Variants in HOXC5 observed in about 807,000 individuals in gnomAD.
The protein encoded by HOXC5 is homeobox protein Hox-C5.
Under a neutral mutation model 20.1 loss-of-function variants are expected in HOXC5, and 19 were observed. The ratio of observed to expected loss-of-function variants is 0.94; its 90% CI spans 0.66 to 1.38. The LOEUF is 1.38. Ranked by LOEUF, HOXC5 falls within the 40% of genes most tolerant of loss-of-function variation. HOXC5 has a pLI of 0.00. For missense variants in HOXC5, 330 were observed against 300.1 expected (o/e 1.10, Z -0.74); for synonymous variants, 124 against 117.0 (o/e 1.06, Z -0.39).
upstream of HOXC5, chr12:54,029,506 T>TG (rs1940898526): frequency 2.1e-6 from 1 of 487,190 alleles, no homozygotes; most frequent in Middle Eastern, 7.4e-4. Flanking sequence ...CCAGTGGGGG[T>TG]GGGGCAAGGC....
At chr12:54,028,451 G>A (rs926252689), upstream of HOXC5, 5 of 1,518,072 alleles carry the variant, frequency 3.3e-6, no homozygotes, top group East Asian at 9.0e-5. Context: ...TAACCATCTA[G>A]TTCCGAGTAC....
chr12:54,020,307 G>A, the HOXC5 span: 2 of 152,278 alleles, frequency 1.3e-5, no homozygotes, highest in Non-Finnish European at 2.9e-5. Flanking sequence ...CTCCCCCTCT[G>A]AGCCCACTCT....
chr12:54,023,193 C>G, the HOXC5 span, among the ~76,000 whole-genome samples: 45 of 152,254 alleles, frequency 3.0e-4, no homozygotes, highest in Non-Finnish European at 4.4e-4. Flanking sequence ...CACCAGCCCC[C>G]AAAAAGCCAG....
the HOXC5 span, among the ~76,000 whole-genome samples, chr12:54,018,608 G>T: frequency 3.3e-5 from 5 of 152,334 alleles, no homozygotes; most frequent in African/African-American, 9.6e-5. Flanking sequence ...AAATGTACGT[G>T]GCCCTGAATG....
At chr12:54,028,758 G>A (rs1385463830), upstream of HOXC5, 1 of 1,614,066 alleles carries the variant, frequency 6.2e-7, no homozygotes, top group Non-Finnish European at 8.5e-7. Flanking sequence ...CCTTTTACCA[G>A]GAGAAAGACA....
chr12:54,024,243 G>A, the HOXC5 span, among the ~76,000 whole-genome samples: 15 of 152,264 alleles, frequency 9.9e-5, no homozygotes, highest in African/African-American at 3.6e-4. Context: ...ACTTGGGGGT[G>A]GTGGGGGCAG....
At chr12:54,023,054 C>G in the HOXC5 span, among the ~76,000 whole-genome samples, 1 of 152,170 alleles carries the variant, frequency 6.6e-6, no homozygotes, top group African/African-American at 2.4e-5. Flanking sequence ...CTTTGCCCCC[C>G]TCAAGTGTCC....
At chr12:54,031,756 T>G (rs1218474420), upstream of HOXC5, among the ~76,000 whole-genome samples, 1 of 152,098 alleles carries the variant, frequency 6.6e-6, no homozygotes, top group African/African-American at 2.4e-5. Context: ...GGAGATTTCC[T>G]GGGAAGAAGC....
At chr12:54,029,621 T>C (rs1940903615), upstream of HOXC5, 1 of 1,593,944 alleles carries the variant, frequency 6.3e-7, no homozygotes, top group Non-Finnish European at 8.6e-7. Context: ...GCTTTGCTGA[T>C]TGCTTTTAGT....
upstream of HOXC5, chr12:54,028,368 C>G (rs1427495113): frequency 5.4e-6 from 4 of 741,464 alleles, no homozygotes; most frequent in African/African-American, 1.8e-5. Context: ...TTCCTGACAT[C>G]TGGCTTGCGA....
Position 54,034,531 on chromosome 12 carries a change from G to T in HOXC5, c.*39G>T, listed in dbSNP as rs1486767767. 1.3e-6 allele frequency: 2 copies of T among 1,542,364 alleles called. No individual in the cohort carries two copies. The highest frequency in any genetic ancestry group is 3.4e-5 in the Admixed American group (2 of 59,160). Reference sequence around the variant, plus strand: ...GGCCCGCAGAGCGCGCCCCTAGCCGGTTCCTGTCCCTGCGCCTTTCCTTTT... The same window carrying T: ...GGCCCGCAGAGCGCGCCCCTAGCCGTTTCCTGTCCCTGCGCCTTTCCTTTT... On this transcript the variant is annotated 3_prime_UTR_variant, in exon 2 of 2. Transcript: ENST00000312492.
At chr12:54,023,793 G>A in the HOXC5 span, among the ~76,000 whole-genome samples, 6 of 152,080 alleles carry the variant, frequency 3.9e-5, no homozygotes, top group Non-Finnish European at 7.4e-5. Flanking sequence ...TGTGTGTAGC[G>A]GGGGCAGGTA....
At chr12:54,031,053 G>GA (rs975527924), upstream of HOXC5, among the ~76,000 whole-genome samples, 19 of 152,252 alleles carry the variant, frequency 1.2e-4, no homozygotes, top group African/African-American at 2.4e-4. Context: ...CACCCTGCGG[G>GA]AAAAAGCCGC....
Position 54,034,926 on chromosome 12 carries a change from G to A in HOXC5, c.*434G>A, listed in dbSNP as rs902819282. On this transcript the variant is annotated 3_prime_UTR_variant, in exon 2 of 2. Transcript: ENST00000312492. ...CCTCTCCTTTGTTCCCGGCTGGACG[G>A]GTTAGACAGCCAAAGGCTGGCGAGA... is the stretch of plus-strand genomic sequence containing the variant. 3 of 206,678 alleles carry A rather than the reference G, an allele frequency of 1.5e-5. No homozygotes were observed. The highest frequency in any genetic ancestry group is 3.0e-5 in the Non-Finnish European group (3 of 100,558). 12.8% of individuals were successfully genotyped at this position (206,678 alleles called of 1,614,324 possible).
At chr12:54,030,733 T>C (rs1940956270), upstream of HOXC5, 1 of 152,620 alleles carries the variant, frequency 6.6e-6, no homozygotes, top group Non-Finnish European at 1.5e-5. Flanking sequence ...AATAAATAAA[T>C]AAATCCCTTC....
chr12:54,022,279 A>T, the HOXC5 span: 1 of 152,124 alleles, frequency 6.6e-6, no homozygotes, highest in Non-Finnish European at 1.5e-5. Context: ...ATAGCATGTC[A>T]TTCTTCTCCC....
Position 54,034,370 on chromosome 12 carries a change from C to A in HOXC5, c.547C>A (p.Arg183Ser), listed in dbSNP as rs370344965. Reference sequence around the variant, plus strand: ...CCACTTTAACCGCTACCTCACTCGCCGCAGGCGCATAGAGATCGCCAACAA... The same window carrying A: ...CCACTTTAACCGCTACCTCACTCGCAGCAGGCGCATAGAGATCGCCAACAA... ...EFHFNRYLTR[R>S]RRIEIANNLC... Residue 183 changes from arginine to serine, a missense_variant, in exon 2 of 2, where the codon CGC (arginine) becomes AGC (serine). Coordinates refer to ENST00000312492, the MANE Select transcript of HOXC5 (RefSeq NM_018953.4). The A allele has an allele frequency of 1.9e-6, 3 of 1,614,086 alleles. No homozygotes were observed. The highest frequency in any genetic ancestry group is 2.5e-6 in the Non-Finnish European group (3 of 1,180,028).
the HOXC5 span, among the ~76,000 whole-genome samples, chr12:54,023,274 C>T: frequency 6.6e-6 from 1 of 152,082 alleles, no homozygotes; most frequent in African/African-American, 2.4e-5. Flanking sequence ...ATGTTTGGGA[C>T]CTATTTTACG....
At chr12:54,032,252 T>C (rs1267622423), upstream of HOXC5, among the ~76,000 whole-genome samples, 1 of 152,110 alleles carries the variant, frequency 6.6e-6, no homozygotes, top group African/African-American at 2.4e-5. Context: ...TCCAGATCCA[T>C]CCCAAACAGC....
Sources: gnomAD v4.1 joint callset for allele counts (sites outside exome capture counted in the v4.1 genomes callset) on GRCh38, gnomAD v4.1.1 for gene constraint, MANE v1.5 for transcripts, NCBI Gene and HGNC (gene_info 2026-07-23, HGNC 2026-07-21) for gene names.